FHIT: variants seen among roughly 807,000 people sequenced by gnomAD.
FHIT encodes bis(5'-adenosyl)-triphosphatase.
A neutral mutation model predicts 17.9 loss-of-function variants in FHIT; 19 were observed. That is an observed-to-expected ratio of 1.06 (90% CI 0.74 to 1.56). FHIT has a LOEUF of 1.56. Among genes scored for constraint, FHIT ranks in the 40% most tolerant of loss-of-function variants. The pLI is 0.00. For missense variants in FHIT, 248 were observed against 189.2 expected, an observed-to-expected ratio of 1.31 and a Z score of -1.82; for synonymous variants, 81 against 69.7, an observed-to-expected ratio of 1.16 and a Z score of -0.81.
At chr3:60,581,239 G>A (rs1447968867) in intron 4 of FHIT, among the ~76,000 whole-genome samples, 2 of 152,126 alleles carry the variant, frequency 1.3e-5, no homozygotes, top group Non-Finnish European at 2.9e-5. Flanking sequence ...ACAAAAGGTA[G>A]TTAGAAGTTT....
chr3:60,648,538 G>A (rs1553687399), intron 4 of FHIT, among the ~76,000 whole-genome samples: 1 of 152,074 alleles, frequency 6.6e-6, no homozygotes, highest in African/African-American at 2.4e-5. Context: ...GAAACAAACA[G>A]AAAACATTGA....
At chr3:60,136,220 A>T (rs1699812070) in intron 5 of FHIT, among the ~76,000 whole-genome samples, 1 of 152,126 alleles carries the variant, frequency 6.6e-6, no homozygotes, top group Non-Finnish European at 1.5e-5. Flanking sequence ...AGGAGAGGAG[A>T]AGAGGGAGGC....
chr3:59,881,160 C>T (rs1453777773), intron 8 of FHIT, among the ~76,000 whole-genome samples: 1 of 152,182 alleles, frequency 6.6e-6, no homozygotes, highest in Admixed American at 6.5e-5. Context: ...CCTAATCATG[C>T]AACTGAATGC....
chr3:59,847,926 A>T (rs1314578998), intron 8 of FHIT, among the ~76,000 whole-genome samples: 1 of 152,202 alleles, frequency 6.6e-6, no homozygotes, highest in Non-Finnish European at 1.5e-5. Context: ...GGTCCCAAAA[A>T]GGGAAAGAAG....
chr3:60,316,437 G>C (rs1001674368), intron 5 of FHIT, among the ~76,000 whole-genome samples: 1 of 152,126 alleles, frequency 6.6e-6, no homozygotes, highest in African/African-American at 2.4e-5. Flanking sequence ...TAAAGCCTTA[G>C]AGCCTATTCA....
At chr3:60,748,685 G>A (rs538419302) in intron 4 of FHIT, among the ~76,000 whole-genome samples, 4 of 152,196 alleles carry the variant, frequency 2.6e-5, no homozygotes, top group East Asian at 1.9e-4. Flanking sequence ...GGTGGCACAC[G>A]CCTGTAATCC....
At chr3:61,107,435 G>T (rs2036023183) in intron 2 of FHIT, among the ~76,000 whole-genome samples, 1 of 152,118 alleles carries the variant, frequency 6.6e-6, no homozygotes, top group South Asian at 2.1e-4. Context: ...CAATAAACAT[G>T]GGAGTGCAGA....
chr3:60,047,333 A>G (rs1465885326), intron 5 of FHIT, among the ~76,000 whole-genome samples: 2 of 152,326 alleles, frequency 1.3e-5, no homozygotes, highest in African/African-American at 2.4e-5. Context: ...TTGTGCCTGT[A>G]ACTGCTGAGG....
chr3:60,487,404 C>A (rs758768350), intron 5 of FHIT, among the ~76,000 whole-genome samples: 26 of 152,164 alleles, frequency 1.7e-4, no homozygotes, highest in Admixed American at 4.6e-4. Context: ...TCAGAAACAT[C>A]AAATGTGGAA....
chr3:61,067,283 C>A (rs1453799498), intron 2 of FHIT, among the ~76,000 whole-genome samples: 1 of 152,048 alleles, frequency 6.6e-6, no homozygotes, highest in African/African-American at 2.4e-5. Context: ...CTCCCAGAAC[C>A]CAGAAAAACT....
intron 3 of FHIT, among the ~76,000 whole-genome samples, chr3:61,020,518 G>A (rs748853222): frequency 3.3e-5 from 5 of 151,908 alleles, no homozygotes; most frequent in Non-Finnish European, 5.9e-5. Context: ...TTTCAAGGAA[G>A]CACTAAATAT....
chr3:60,819,548 T>C (rs1465210487), intron 4 of FHIT, among the ~76,000 whole-genome samples: 1 of 152,164 alleles, frequency 6.6e-6, no homozygotes, highest in Non-Finnish European at 1.5e-5. Flanking sequence ...AACAGAATAC[T>C]GAAAATCCTA....
chr3:60,457,091 A>T (rs539570255), intron 5 of FHIT, among the ~76,000 whole-genome samples: 1 of 152,332 alleles, frequency 6.6e-6, no homozygotes, highest in East Asian at 1.9e-4. Flanking sequence ...TTTAAAGTTC[A>T]TATGGAACCA....
intron 7 of FHIT, among the ~76,000 whole-genome samples, chr3:59,972,891 A>G (rs1708251371): frequency 6.6e-6 from 1 of 151,982 alleles, no homozygotes; most frequent in African/African-American, 2.4e-5. Flanking sequence ...ATTGATCTAC[A>G]TGTTGCTCTT....
intron 5 of FHIT, among the ~76,000 whole-genome samples, chr3:60,068,932 C>G (rs1559602045): frequency 3.9e-5 from 6 of 152,136 alleles, no homozygotes. Context: ...AAGACTGTTT[C>G]TCTATTACTA....
chr3:59,923,278 T>G (rs1446867932), intron 7 of FHIT, among the ~76,000 whole-genome samples: 1 of 142,532 alleles, frequency 7.0e-6, no homozygotes, highest in Non-Finnish European at 1.5e-5. Context: ...TCTACTATGA[T>G]CTCCACTTTA....
At chr3:60,066,850 G>C (rs1226209142) in intron 5 of FHIT, among the ~76,000 whole-genome samples, 2 of 151,592 alleles carry the variant, frequency 1.3e-5, no homozygotes, top group African/African-American at 2.4e-5. Flanking sequence ...TAGAGACGGG[G>C]TTTCACCGTG....
intron 3 of FHIT, among the ~76,000 whole-genome samples, chr3:60,937,277 G>T (rs62267313): frequency 2.0e-5 from 3 of 151,966 alleles, no homozygotes; most frequent in African/African-American, 7.3e-5. Context: ...TTTGATTTGG[G>T]GCTGTATTTG....
intron 8 of FHIT, among the ~76,000 whole-genome samples, chr3:59,829,724 G>C (rs1302906745): frequency 6.6e-6 from 1 of 152,168 alleles, no homozygotes; most frequent in African/African-American, 2.4e-5. Flanking sequence ...AAGTATTTAA[G>C]AGCCAGCACA....
Sources: gnomAD v4.1 joint callset for allele counts (sites outside exome capture counted in the v4.1 genomes callset) on GRCh38, gnomAD v4.1.1 for gene constraint, MANE v1.5 for transcripts, NCBI Gene and HGNC (gene_info 2026-07-23, HGNC 2026-07-21) for gene names.